STYXL1: variants seen among roughly 807,000 people sequenced by gnomAD.
STYXL1 encodes serine/threonine/tyrosine-interacting-like protein 1.
A neutral mutation model predicts 36.4 loss-of-function variants in STYXL1; 32 were observed. The observed-to-expected ratio is 0.88, with a 90% confidence interval of 0.66 to 1.18. STYXL1 has a LOEUF of 1.18. STYXL1 is among the 50% of genes most tolerant of loss of function. The pLI, the probability that STYXL1 is intolerant of heterozygous loss-of-function variation, is 0.00. For synonymous variants in STYXL1, 133 were observed against 144.1 expected, an observed-to-expected ratio of 0.92 and a Z score of 0.55; for missense variants, 354 against 394.1, an observed-to-expected ratio of 0.90 and a Z score of 0.86.
intron 7 of STYXL1, among the ~76,000 whole-genome samples, chr7:76,001,479 A>G (rs1303003188): frequency 1.4e-5 from 2 of 146,430 alleles, no homozygotes; most frequent in Non-Finnish European, 3.0e-5. Flanking sequence ...TCTCCTCTCT[A>G]CTCCTCTCTC....
In STYXL1 at chr7:76,000,963, G is replaced by A. The variant is rs1554566962; in HGVS notation, c.737C>T (p.Ser246Phe). 1 of 1,614,154 alleles carries A rather than the reference G, an allele frequency of 6.2e-7. No homozygotes were observed. Among genetic ancestry groups the A allele is most frequent in the South Asian group, 1.1e-5 (1 of 91,088 alleles). ...HHLGSVILIFSTQGISRSCAA... is the reference protein window; with the variant it reads ...HHLGSVILIFFTQGISRSCAA... ...ACAACTGCGGCTGATACCTTGGGTG[G>A]AAAAGATCAGAATGACAGAGCCAAG... The change falls in exon 8 of 9, where the codon TCC becomes TTC. Residue 246 changes from serine to phenylalanine, a missense_variant. Coordinates refer to ENST00000359697, the MANE Select transcript of STYXL1 (RefSeq NM_001317785.2).
chr7:76,016,843 A>G (rs1029828682), intron 4 of STYXL1, among the ~76,000 whole-genome samples: 50 of 152,232 alleles, frequency 3.3e-4, no homozygotes, highest in African/African-American at 1.2e-3. Flanking sequence ...TCAAGGAACC[A>G]AAAATAGAAC....
intron 1 of STYXL1, among the ~76,000 whole-genome samples, chr7:76,046,742 C>T (rs950778367): frequency 6.6e-6 from 1 of 150,518 alleles, no homozygotes. Context: ...CCTCCACCTC[C>T]CGGGTTCAAG....
chr7:76,033,274 T>C (rs1415542533), intron 1 of STYXL1, among the ~76,000 whole-genome samples: 4 of 100,588 alleles, frequency 4.0e-5, no homozygotes, highest in African/African-American at 1.1e-4. Flanking sequence ...GCCTCCTGAG[T>C]AGCTGGGACT....
intron 1 of STYXL1, among the ~76,000 whole-genome samples, chr7:76,039,643 T>C (rs1585343327): frequency 6.6e-6 from 1 of 152,186 alleles, no homozygotes; most frequent in Non-Finnish European, 1.5e-5. Context: ...TCATCACTAG[T>C]ATCTACTATC....
intron 7 of STYXL1, 45 bp downstream of exon 7, chr7:76,003,713 C>G: frequency 6.3e-7 from 1 of 1,581,056 alleles, no homozygotes; most frequent in Non-Finnish European, 8.7e-7. Flanking sequence ...CCCTCTGCTT[C>G]CCAGACACAG....
chr7:76,025,168 C>T (rs1252533005), intron 3 of STYXL1, among the ~76,000 whole-genome samples: 1 of 149,788 alleles, frequency 6.7e-6, no homozygotes, highest in African/African-American at 2.5e-5. Context: ...GGGCTGGGAG[C>T]CTTTCTGTCC....
At chr7:76,047,278 C>A (rs1451775031) in intron 1 of STYXL1, among the ~76,000 whole-genome samples, 1 of 152,088 alleles carries the variant, frequency 6.6e-6, no homozygotes, top group Non-Finnish European at 1.5e-5. Flanking sequence ...TAAATTCATA[C>A]ATTTAAGTAA....
intron 5 of STYXL1, among the ~76,000 whole-genome samples, chr7:76,007,937 G>A (rs180886113): frequency 6.6e-5 from 10 of 150,684 alleles, no homozygotes; most frequent in Admixed American, 3.3e-4. Flanking sequence ...AGTGCCTCAT[G>A]CTTATAATCC....
At chr7:76,023,266 A>G (rs1467452701) in intron 3 of STYXL1, among the ~76,000 whole-genome samples, 2 of 151,816 alleles carry the variant, frequency 1.3e-5, no homozygotes, top group African/African-American at 4.8e-5. Context: ...TCCCAATTCC[A>G]CCACCAGGCT....
At chr7:75,997,197 C>G (rs1414441198) in intron 8 of STYXL1, among the ~76,000 whole-genome samples, 1 of 151,862 alleles carries the variant, frequency 6.6e-6, no homozygotes, top group Admixed American at 6.6e-5. Context: ...TTTGGGGGGC[C>G]GAGACGGGTG....
intron 1 of STYXL1, among the ~76,000 whole-genome samples, chr7:76,035,081 A>C (rs1191517447): frequency 6.7e-6 from 1 of 149,862 alleles, no homozygotes; most frequent in Non-Finnish European, 1.5e-5. Context: ...TGATCCACCC[A>C]GTTGCTTGGG....
chr7:76,042,389 G>GTTTTT (rs1563528839), intron 1 of STYXL1, among the ~76,000 whole-genome samples: 16 of 22,274 alleles, frequency 7.2e-4, no homozygotes, highest in African/African-American at 1.0e-3. Context: ...GCCCTTATGT[G>GTTTTT]CTTTTTTTTT....
In STYXL1 at chr7:75,999,996, G is replaced by A. The variant is rs189660182; in HGVS notation, c.810+894C>T. 2.4e-3 allele frequency among the ~76,000 whole-genome samples: 353 copies of A among 149,774 alleles called. 1 individual carries two copies. The highest frequency in any genetic ancestry group is 2.9e-3 in the Admixed American group (43 of 15,044). On this transcript the variant is annotated intron_variant, in intron 8 of 8. Coordinates refer to ENST00000359697, the MANE Select transcript of STYXL1 (RefSeq NM_001317785.2). ...ATCCCCCACCACCACCCCACACATCGCCTGGCCAAGATGGTGAAACCCTGT... is the reference window on the plus strand; with the variant it reads ...ATCCCCCACCACCACCCCACACATCACCTGGCCAAGATGGTGAAACCCTGT...
intron 1 of STYXL1, among the ~76,000 whole-genome samples, chr7:76,046,292 G>C (rs1021050407): frequency 0.03 from 325 of 10,968 alleles, 4 homozygotes; most frequent in African/African-American, 0.053. Context: ...GTGTGTGTGT[G>C]TGTGTGTGTG....
intron 4 of STYXL1, among the ~76,000 whole-genome samples, chr7:76,016,345 C>T (rs117312477): frequency 0.015 from 2,222 of 150,186 alleles, 67 homozygotes; most frequent in East Asian, 0.12. Flanking sequence ...TATATATACA[C>T]GTATATCTAT....
chr7:76,030,321 A>C (rs1033686396), intron 2 of STYXL1, 100 bp downstream of exon 2: 4 of 806,702 alleles, frequency 5.0e-6, no homozygotes, highest in Middle Eastern at 2.3e-4. Flanking sequence ...TTCTAAAGTC[A>C]TTCACTGCCC....
Position 76,000,879 on chromosome 7 carries a change from G to A in STYXL1, c.810+11C>T, listed in dbSNP as rs1585173950. 1 of 1,612,418 alleles carries A rather than the reference G, an allele frequency of 6.2e-7. No individual in the cohort carries two copies. The highest frequency in any genetic ancestry group is 1.3e-5 in the African/African-American group (1 of 75,018). ...TGGCCGTGGTGCGAGCCTGGCCCGGGGAACGCATACCTGCAAGGTCTGCTC... is the reference window on the plus strand; with the variant it reads ...TGGCCGTGGTGCGAGCCTGGCCCGGAGAACGCATACCTGCAAGGTCTGCTC... On this transcript the variant is annotated intron_variant, in intron 8 of 8. Coordinates refer to ENST00000359697, the MANE Select transcript of STYXL1 (RefSeq NM_001317785.2).
intron 7 of STYXL1, among the ~76,000 whole-genome samples, chr7:76,001,248 CCTT>C (rs1790881319): frequency 6.6e-6 from 1 of 152,212 alleles, no homozygotes; most frequent in Non-Finnish European, 1.5e-5. Flanking sequence ...CAGGCAAAGA[CCTT>C]CTCCTGAACT....
Sources: gnomAD v4.1 joint callset for allele counts (sites outside exome capture counted in the v4.1 genomes callset) on GRCh38, gnomAD v4.1.1 for gene constraint, MANE v1.5 for transcripts, NCBI Gene and HGNC (gene_info 2026-07-23, HGNC 2026-07-21) for gene names.